Variants in TANC2 observed in about 807,000 individuals in gnomAD.
TANC2 encodes tetratricopeptide repeat, ankyrin repeat and coiled-coil containing 2, also known as protein TANC2.
In TANC2, 26 loss-of-function variants were observed where a neutral mutation model predicts 210.5. That is an observed-to-expected ratio of 0.12 (90% CI 0.09 to 0.17). TANC2 has a LOEUF of 0.17. Ranked by LOEUF, TANC2 falls within the 10% of genes least tolerant of loss-of-function variation. The probability of loss-of-function intolerance (pLI) is 1.00; values close to 1 mark genes in which losing one functional copy is unlikely to be tolerated. For missense variants in TANC2, 2,129 were observed against 2,608.9 expected (o/e 0.82, Z 4.01); for synonymous variants, 931 against 967.1 (o/e 0.96, Z 0.69).
chr17:63,141,794 T>G (rs1291166012), intron 4 of TANC2, among the ~76,000 whole-genome samples: 2 of 152,014 alleles, frequency 1.3e-5, no homozygotes, highest in African/African-American at 4.8e-5. Context: ...AAATACTCAT[T>G]TTAAAAAAAA....
intron 21 of TANC2, among the ~76,000 whole-genome samples, chr17:63,410,892 A>G (rs1434576384): frequency 1.3e-5 from 2 of 148,630 alleles, no homozygotes; most frequent in East Asian, 2.0e-4. Context: ...AAAAAAAAGA[A>G]GCAGAAGAAA....
chr17:63,416,793 G>A (rs1370593099), intron 26 of TANC2, among the ~76,000 whole-genome samples: 1 of 152,228 alleles, frequency 6.6e-6, no homozygotes, highest in African/African-American at 2.4e-5. Context: ...GCTCCAGGGT[G>A]CTGAGGGAAG....
chr17:63,133,213 C>T (rs1399447777), intron 4 of TANC2, among the ~76,000 whole-genome samples: 1 of 146,896 alleles, frequency 6.8e-6, no homozygotes, highest in African/African-American at 2.5e-5. Context: ...ATCTTGTGAT[C>T]CACCCGCCTC....
At chr17:63,402,014 CTGTT>C in intron 19 of TANC2, among the ~76,000 whole-genome samples, 1 of 152,338 alleles carries the variant, frequency 6.6e-6, no homozygotes, top group Middle Eastern at 3.4e-3. Flanking sequence ...AAGCCATAGT[CTGTT>C]TGTGTCACTT....
At chr17:63,416,866 A>G (rs751875813) in intron 26 of TANC2, among the ~76,000 whole-genome samples, 10 of 152,270 alleles carry the variant, frequency 6.6e-5, no homozygotes, top group Non-Finnish European at 1.3e-4. Flanking sequence ...CGGGAGACAG[A>G]TTTTCATGCT....
intron 14 of TANC2, among the ~76,000 whole-genome samples, chr17:63,355,945 G>C (rs79558884): frequency 6.6e-6 from 1 of 152,082 alleles, no homozygotes; most frequent in East Asian, 1.9e-4. Context: ...CTTTAGATAC[G>C]TAAGGTGTCA....
intron 17 of TANC2, among the ~76,000 whole-genome samples, chr17:63,395,055 CT>C (rs1399934816): frequency 6.6e-6 from 1 of 152,224 alleles, no homozygotes; most frequent in Non-Finnish European, 1.5e-5. Context: ...GGCTACTCAT[CT>C]AATGAAAGGC....
intron 17 of TANC2, among the ~76,000 whole-genome samples, chr17:63,394,173 TC>T (rs2048081258): frequency 6.6e-6 from 1 of 152,194 alleles, no homozygotes; most frequent in Non-Finnish European, 1.5e-5. Flanking sequence ...GGGAAAGCGA[TC>T]CCTTCTCCCC....
At chr17:63,019,489 A>G (rs1027763315) in intron 2 of TANC2, among the ~76,000 whole-genome samples, 1 of 152,160 alleles carries the variant, frequency 6.6e-6, no homozygotes, top group Admixed American at 6.5e-5. Flanking sequence ...AAGTGCTGGG[A>G]TTACAGGTGT....
chr17:62,987,669 A>G (rs1032984813), intron 1 of TANC2, among the ~76,000 whole-genome samples: 32 of 152,268 alleles, frequency 2.1e-4, no homozygotes, highest in Admixed American at 1.7e-3. Flanking sequence ...GGGTACCTCC[A>G]TGCTGGTCTC....
In TANC2 at chr17:62,990,841, A is replaced by G. The variant is rs116228692; in HGVS notation, c.-23-18696A>G. The stretch of plus-strand genomic sequence containing the variant: ...TGGGTAGTTGACAGAGTTCTTTCTG[A>G]TAATTTTTATGGCATGTATTTTTCT... On this transcript the variant is annotated intron_variant, in intron 1 of 27. Transcript: ENST00000689528. 4.2e-3 allele frequency among the ~76,000 whole-genome samples: 632 copies of G among 152,198 alleles called. 4 individuals carry two copies. The highest frequency in any genetic ancestry group is 0.015 in the African/African-American group (614 of 41,512).
At chr17:63,285,986 G>T (rs1160194617) in intron 9 of TANC2, among the ~76,000 whole-genome samples, 1 of 152,112 alleles carries the variant, frequency 6.6e-6, no homozygotes, top group African/African-American at 2.4e-5. Flanking sequence ...AGCTTTCTGA[G>T]GGGAGCAGCC....
chr17:63,078,549 A>C (rs2036651631), intron 3 of TANC2, among the ~76,000 whole-genome samples: 1 of 152,132 alleles, frequency 6.6e-6, no homozygotes, highest in Non-Finnish European at 1.5e-5. Flanking sequence ...ATTTAGTGTT[A>C]TAAATTTCTG....
rs141364217 is a variant in TANC2 at position 62,984,712 on chromosome 17, T to G, written c.-24+17963T>G. On this transcript the variant is annotated intron_variant, in intron 1 of 27. Coordinates refer to ENST00000689528, the Ensembl canonical transcript of TANC2. ...AAATTTTAATTCTTATTTTTTTCCT[T>G]CATTCATTGGTTGTTCTGGAGCAGG... Among the ~76,000 whole-genome samples, 417 of 152,328 alleles carry G rather than the reference T, an allele frequency of 2.7e-3. 9 individuals are homozygous for G. The highest frequency in any genetic ancestry group is 0.024 in the Admixed American group (365 of 15,302).
chr17:63,113,860 CT>C (rs1165365177), intron 4 of TANC2, among the ~76,000 whole-genome samples: 1 of 152,142 alleles, frequency 6.6e-6, no homozygotes, highest in African/African-American at 2.4e-5. Context: ...GTTTTGATGA[CT>C]TTGTTTAGAT....
chr17:63,420,909 A>C lies in TANC2; in HGVS notation c.5179A>C (p.Lys1727Gln), dbSNP rs916458760. ...CCAAGTAGCCCATTCAATGGCCAGT[A>C]AATACCAGTCTTCACAAGGAGACAT... is the stretch of plus-strand genomic sequence containing the variant. Residue 1727 changes from lysine (K) to glutamine (Q), a missense_variant, in exon 28 of 28, where the codon AAA (lysine) becomes CAA (glutamine). Lys to Gln is a moderately conservative substitution (Grantham distance 53, BLOSUM62 1). Transcript: ENST00000689528. The surrounding 1 kb of genome is among the most constrained non-coding windows in gnomAD (Gnocchi z 4.2). 6.2e-7 allele frequency: 1 copy of C among 1,614,030 alleles called. No homozygotes were observed. The highest frequency in any genetic ancestry group is 8.5e-7 in the Non-Finnish European group (1 of 1,179,902).
intron 5 of TANC2, among the ~76,000 whole-genome samples, chr17:63,188,450 G>A (rs1209078480): frequency 6.6e-6 from 1 of 151,960 alleles, no homozygotes; most frequent in Non-Finnish European, 1.5e-5. Context: ...AAAATTAGCT[G>A]GGCATGGTGG....
Position 63,009,426 on chromosome 17 carries a change from A to G in TANC2, c.-23-111A>G, listed in dbSNP as rs573434552. ...TTATTTATTGAGTGGCAAACAGTCC[A>G]GTTGTACCCTTTAAGTTATTAAAAC... is the stretch of plus-strand genomic sequence containing the variant. On this transcript the variant is annotated intron_variant, in intron 1 of 27. Coordinates refer to ENST00000689528, the Ensembl canonical transcript of TANC2. 13 of 657,540 alleles carry G rather than the reference A, an allele frequency of 2.0e-5. No homozygotes were observed. In the East Asian group the frequency reaches 3.3e-4, roughly 17 times the overall value. The allele number at this position is 657,540 out of a possible 1,614,324, so 40.7% of individuals were successfully genotyped here.
chr17:63,313,135 T>C (rs2045186458), intron 9 of TANC2, among the ~76,000 whole-genome samples: 1 of 152,210 alleles, frequency 6.6e-6, no homozygotes, highest in African/African-American at 2.4e-5. Context: ...GTGATTTCTC[T>C]TTCTCCTCTT....
Sources: gnomAD v4.1 joint callset for allele counts (sites outside exome capture counted in the v4.1 genomes callset) on GRCh38, gnomAD v4.1.1 for gene constraint, Gnocchi (gnomAD v3.1) non-coding constraint, MANE v1.5 for transcripts, NCBI Gene and HGNC (gene_info 2026-07-23, HGNC 2026-07-21) for gene names.